Variants in GRIK1 observed in about 807,000 individuals in gnomAD.
GRIK1 encodes glutamate ionotropic receptor kainate type subunit 1.
In GRIK1, 69 loss-of-function variants were observed where a neutral mutation model predicts 105.7. The observed-to-expected ratio is 0.65, with a 90% CI of 0.54 to 0.80. The LOEUF is 0.80. GRIK1 is among the 30% of genes least tolerant of loss of function. The pLI is 0.00. For synonymous variants in GRIK1, 438 were observed against 431.3 expected (o/e 1.02, Z -0.19); for missense variants, 1,109 against 1,167.3 (o/e 0.95, Z 0.73).
intron 1 of GRIK1, among the ~76,000 whole-genome samples, chr21:29,784,036 C>T (rs1215676820): frequency 6.6e-6 from 1 of 152,106 alleles, no homozygotes; most frequent in Non-Finnish European, 1.5e-5. Flanking sequence ...GGGTTCACGC[C>T]ATTCTCCTGC....
chr21:29,654,299 C>G (rs138262618), intron 5 of GRIK1, among the ~76,000 whole-genome samples: 39 of 152,168 alleles, frequency 2.6e-4, no homozygotes, highest in African/African-American at 8.7e-4. Context: ...AGGCTTAGGA[C>G]CATGATTTTT....
chr21:29,700,381 G>A (rs1394858300), intron 1 of GRIK1, among the ~76,000 whole-genome samples: 1 of 152,146 alleles, frequency 6.6e-6, no homozygotes, highest in African/African-American at 2.4e-5. Context: ...TACAACTGCT[G>A]GGTCAACAAC....
At chr21:29,815,447 T>C (rs949783441) in intron 1 of GRIK1, among the ~76,000 whole-genome samples, 1 of 152,172 alleles carries the variant, frequency 6.6e-6, no homozygotes, top group African/African-American at 2.4e-5. Flanking sequence ...ACGGCTGTTT[T>C]GATTATTCAA....
intron 11 of GRIK1, among the ~76,000 whole-genome samples, chr21:29,588,495 C>T (rs2061280160): frequency 6.6e-6 from 1 of 152,254 alleles, no homozygotes; most frequent in East Asian, 1.9e-4. Flanking sequence ...CTCTCACCTG[C>T]CACCCTGTGA....
intron 1 of GRIK1, among the ~76,000 whole-genome samples, chr21:29,734,425 T>TCTTTTC (rs1569028742): frequency 1.9e-4 from 3 of 15,972 alleles, no homozygotes; most frequent in South Asian, 4.9e-3. Context: ...TCTTTTCTTT[T>TCTTTTC]TGAGACAGAG....
intron 4 of GRIK1, among the ~76,000 whole-genome samples, chr21:29,658,121 AT>A (rs968776287): frequency 2.4e-4 from 35 of 148,324 alleles, no homozygotes; most frequent in South Asian, 1.1e-3. Context: ...GTCACAATTA[AT>A]TTTTTTTTTT....
At chr21:29,679,691 A>G (rs569853208) in intron 3 of GRIK1, among the ~76,000 whole-genome samples, 24 of 152,272 alleles carry the variant, frequency 1.6e-4, no homozygotes, top group African/African-American at 4.3e-4. Flanking sequence ...AAAAAGATCA[A>G]TCTTTTATTT....
chr21:29,859,729 C>T (rs937165789), intron 1 of GRIK1, among the ~76,000 whole-genome samples: 5 of 152,214 alleles, frequency 3.3e-5, no homozygotes, highest in Non-Finnish European at 7.3e-5. Context: ...CTCTGATAAG[C>T]ACCACATTAT....
intron 3 of GRIK1, among the ~76,000 whole-genome samples, chr21:29,675,791 A>G (rs2063254041): frequency 6.6e-6 from 1 of 152,160 alleles, no homozygotes; most frequent in Non-Finnish European, 1.5e-5. Flanking sequence ...TAACTTGCTC[A>G]AGGTTATATA....
intron 15 of GRIK1, among the ~76,000 whole-genome samples, chr21:29,556,823 G>T (rs541956743): frequency 6.6e-6 from 1 of 152,160 alleles, no homozygotes; most frequent in Admixed American, 6.5e-5. Flanking sequence ...CTTTCAATCC[G>T]CACTGGACTG....
intron 1 of GRIK1, among the ~76,000 whole-genome samples, chr21:29,829,453 G>A (rs185114952): frequency 2.6e-4 from 39 of 152,204 alleles, no homozygotes; most frequent in African/African-American, 8.2e-4. Context: ...GTTATACTCC[G>A]TGGATCCTCC....
At chr21:29,629,352 C>T (rs1375168353) in intron 7 of GRIK1, among the ~76,000 whole-genome samples, 6 of 151,920 alleles carry the variant, frequency 3.9e-5, no homozygotes, top group Admixed American at 3.9e-4. Context: ...AAAAGATGGA[C>T]AGCAGCACAA....
rs1042495501 is a variant in GRIK1 at position 29,651,267 on chromosome 21, G to A, written c.805C>T (p.Leu269Phe). ...ATGTTTACGCCACTGTACCTATAGA[G>A]TTCCAGATCCAAAGCAAATAAGTCC... is the stretch of plus-strand genomic sequence containing the variant. ...TLDLFALDLELYRYSGVNMTG... is the reference protein window; with the variant it reads ...TLDLFALDLEFYRYSGVNMTG... Residue 269 changes from leucine (L) to phenylalanine (F), a missense_variant, in exon 6 of 18, where the codon CTC becomes TTC. Coordinates refer to ENST00000327783, the MANE Select transcript of GRIK1 (RefSeq NM_001330994.2). 6.2e-7 allele frequency: 1 copy of A among 1,612,146 alleles called. No individual in the cohort carries two copies.
intron 1 of GRIK1, among the ~76,000 whole-genome samples, chr21:29,834,343 T>C (rs1272331590): frequency 6.7e-6 from 1 of 148,904 alleles, no homozygotes; most frequent in Non-Finnish European, 1.5e-5. Context: ...TATATTTATG[T>C]ATTACATATA....
intron 15 of GRIK1, 96 bp from the exon 16 acceptor site, chr21:29,555,398 G>A: frequency 2.6e-6 from 3 of 1,132,112 alleles, no homozygotes; most frequent in South Asian, 3.0e-5. Flanking sequence ...CTATGTTACG[G>A]CTGTTGTGAG....
intron 1 of GRIK1, among the ~76,000 whole-genome samples, chr21:29,881,248 G>A (rs2069396654): frequency 6.6e-6 from 1 of 152,046 alleles, no homozygotes; most frequent in Non-Finnish European, 1.5e-5. Context: ...CAATTTATTT[G>A]CCTAATCTGA....
At chr21:29,569,717 A>G (rs1170716728) in intron 14 of GRIK1, among the ~76,000 whole-genome samples, 1 of 152,158 alleles carries the variant, frequency 6.6e-6, no homozygotes, top group Non-Finnish European at 1.5e-5. Context: ...TCTGGGGAAA[A>G]AAAATGTGAC....
At chr21:29,731,078 A>C (rs1412795244) in intron 1 of GRIK1, among the ~76,000 whole-genome samples, 1 of 152,196 alleles carries the variant, frequency 6.6e-6, no homozygotes, top group Non-Finnish European at 1.5e-5. Flanking sequence ...AGAAGTTAGA[A>C]GGAGGCAAAT....
chr21:29,718,841 A>G (rs1208659525), intron 1 of GRIK1, among the ~76,000 whole-genome samples: 1 of 151,990 alleles, frequency 6.6e-6, no homozygotes, highest in Non-Finnish European at 1.5e-5. Context: ...GTGCCTTTGC[A>G]CTCCTTAGCT....
Sources: gnomAD v4.1 joint callset for allele counts (sites outside exome capture counted in the v4.1 genomes callset) on GRCh38, gnomAD v4.1.1 for gene constraint, MANE v1.5 for transcripts, NCBI Gene and HGNC (gene_info 2026-07-23, HGNC 2026-07-21) for gene names.